MAPKAP1: variants seen among roughly 807,000 people sequenced by gnomAD.
MAPKAP1 encodes the protein MAPK associated protein 1.
A neutral mutation model predicts 65.7 loss-of-function variants in MAPKAP1; 20 were observed. That is an observed-to-expected ratio of 0.30 (90% CI 0.21 to 0.44). The LOEUF is 0.44. Ranked by LOEUF, MAPKAP1 falls within the 20% of genes least tolerant of loss-of-function variation. The pLI, the probability that MAPKAP1 is intolerant of heterozygous loss-of-function variation, is 1.00. For missense variants in MAPKAP1, 423 were observed against 648.0 expected, an observed-to-expected ratio of 0.65 and a Z score of 3.77; for synonymous variants, 222 against 244.3, an observed-to-expected ratio of 0.91 and a Z score of 0.85.
chr9:125,552,047 A>G (rs1428495496), intron 6 of MAPKAP1, among the ~76,000 whole-genome samples: 1 of 152,014 alleles, frequency 6.6e-6, no homozygotes, highest in Non-Finnish European at 1.5e-5. Flanking sequence ...CCCACTCCCT[A>G]CTTCTCCTCT....
intron 10 of MAPKAP1, among the ~76,000 whole-genome samples, chr9:125,464,933 G>C (rs547123926): frequency 6.6e-6 from 1 of 152,148 alleles, no homozygotes; most frequent in Non-Finnish European, 1.5e-5. Context: ...CACAGTCGAA[G>C]GTTTAAAAAC....
intron 9 of MAPKAP1, among the ~76,000 whole-genome samples, chr9:125,483,809 A>C (rs1251815410): frequency 6.6e-6 from 1 of 152,190 alleles, no homozygotes; most frequent in Non-Finnish European, 1.5e-5. Flanking sequence ...TAAGTAGTAC[A>C]TGTAAAGCAC....
chr9:125,586,345 C>T (rs1349146221), intron 4 of MAPKAP1, among the ~76,000 whole-genome samples: 2 of 152,160 alleles, frequency 1.3e-5, no homozygotes, highest in African/African-American at 2.4e-5. Flanking sequence ...CTCCCACCTG[C>T]GTCTTCCACT....
At position 125,559,731 on chromosome 9, in the gene MAPKAP1, G is replaced by C. The variant is rs751172884; in HGVS notation, c.750C>G (p.Ser250=). Residue 250 remains serine (S), a synonymous_variant, in exon 6 of 12, where the codon TCC becomes TCG. Coordinates refer to ENST00000265960, the MANE Select transcript of MAPKAP1 (RefSeq NM_001006617.3). ...AGCCAAACTTATGAATGGGCTCATT[G>C]GAATCCAGCGGGGGGAAATCGGTGT... is the stretch of plus-strand genomic sequence containing the variant. The part of the protein sequence containing the change: ...EVDTDFPPLD[S]NEPIHKFGFS... The C allele has an allele frequency of 4.4e-5, 71 of 1,613,886 alleles. 1 individual carries two copies. The South Asian group carries it at 7.6e-4, about 17-fold the overall frequency.
chr9:125,657,812 A>C lies in MAPKAP1; in HGVS notation c.350-13T>G. The C allele has an allele frequency of 6.2e-7, 1 of 1,610,782 alleles. No homozygotes were observed. The highest frequency in any genetic ancestry group is 8.5e-7 in the Non-Finnish European group (1 of 1,178,936). On this transcript the variant is annotated splice_polypyrimidine_tract_variant and intron_variant, in intron 3 of 11. Transcript: ENST00000265960. ...TTTAACTCCTGGGCTGTGATACAAG[A>C]GGAAGAAAAACATCTTTGTGATTAC... is the stretch of plus-strand genomic sequence containing the variant.
chr9:125,520,072 T>C (rs1422597583), intron 7 of MAPKAP1, among the ~76,000 whole-genome samples: 1 of 152,238 alleles, frequency 6.6e-6, no homozygotes, highest in Non-Finnish European at 1.5e-5. Flanking sequence ...TGTGAAGTCC[T>C]AGCTCCACCA....
rs1475776676 is a variant in MAPKAP1, at chr9:125,515,896, T to C, written c.959-9479A>G. Among the ~76,000 whole-genome samples the C allele has an allele frequency of 2.0e-5, 3 of 152,052 alleles. No individual in the cohort carries two copies. The East Asian group carries it at 5.8e-4, about 29-fold the overall frequency. Reference sequence around the variant, plus strand: ...AAAACTGTGAAGGGAAGGCCGCTTCTGTGGGCTGAGTAGATGGCACTCTTT... The same window carrying C: ...AAAACTGTGAAGGGAAGGCCGCTTCCGTGGGCTGAGTAGATGGCACTCTTT... On this transcript the variant is annotated intron_variant, in intron 7 of 11. Transcript: ENST00000265960.
rs138085916 is a variant in MAPKAP1 at position 125,644,959 on chromosome 9, G to A, written c.498+12692C>T. On this transcript the variant is annotated intron_variant, in intron 4 of 11. Transcript: ENST00000265960. ...TATTCAAGAGCATGTTAGACATAGC[G>A]CAATCATCAGTCATAATGTGGCAGC... 4.1e-3 allele frequency among the ~76,000 whole-genome samples: 631 copies of A among 152,210 alleles called. 6 individuals are homozygous for A. The highest frequency in any genetic ancestry group is 0.014 in the African/African-American group (590 of 41,520).
chr9:125,590,846 T>C (rs1015988030), intron 4 of MAPKAP1, among the ~76,000 whole-genome samples: 1 of 151,884 alleles, frequency 6.6e-6, no homozygotes, highest in Non-Finnish European at 1.5e-5. Context: ...CAATCTCAGC[T>C]CAATGCAACC....
chr9:125,491,645 G>C lies in MAPKAP1; in HGVS notation c.1067-7062C>G, dbSNP rs1378985510. ...TACAAAAAAAAAGCAGCCAGGCTTA[G>C]TGGTGTGCTCCGATAGGCCCAGCTA... On this transcript the variant is annotated intron_variant, in intron 8 of 11. Transcript: ENST00000265960. 3.9e-5 allele frequency among the ~76,000 whole-genome samples: 6 copies of C among 151,900 alleles called. No individual in the cohort carries two copies. In the East Asian group the frequency reaches 9.7e-4, roughly 25 times the overall value.
intron 7 of MAPKAP1, among the ~76,000 whole-genome samples, chr9:125,539,081 T>G (rs1396332929): frequency 6.6e-6 from 1 of 152,128 alleles, no homozygotes; most frequent in Non-Finnish European, 1.5e-5. Context: ...ACAAAGTAAA[T>G]TAGCAAGCAA....
chr9:125,504,013 AG>A, intron 8 of MAPKAP1, among the ~76,000 whole-genome samples: 1 of 151,076 alleles, frequency 6.6e-6, no homozygotes, highest in African/African-American at 2.4e-5. Context: ...CTGGGATTAC[AG>A]GCAAGAGCCA....
chr9:125,601,782 C>T (rs1225071378), intron 4 of MAPKAP1, among the ~76,000 whole-genome samples: 3 of 152,280 alleles, frequency 2.0e-5, no homozygotes, highest in Admixed American at 6.5e-5. Context: ...AAAATGCACA[C>T]GTGAAATAAC....
chr9:125,691,297 G>T (rs1341712164), intron 1 of MAPKAP1, among the ~76,000 whole-genome samples: 5 of 152,038 alleles, frequency 3.3e-5, no homozygotes, highest in African/African-American at 1.2e-4. Context: ...AAAACTGGTA[G>T]AACTCGGTGA....
chr9:125,678,890 C>T (rs1351025913), intron 1 of MAPKAP1, among the ~76,000 whole-genome samples: 2 of 152,070 alleles, frequency 1.3e-5, no homozygotes, highest in African/African-American at 4.8e-5. Context: ...CAAAGCCAGA[C>T]AGCTAATACA....
In MAPKAP1 at chr9:125,546,275, G is replaced by C. The variant is rs559507611; in HGVS notation, c.849-3107C>G. ...AAAGGAGAAAGAGGTTCTGCCCTGAGTGCTGCACATTCAGGCAGACCTAAT... is the reference window on the plus strand; with the variant it reads ...AAAGGAGAAAGAGGTTCTGCCCTGACTGCTGCACATTCAGGCAGACCTAAT... On this transcript the variant is annotated intron_variant, in intron 6 of 11. Transcript: ENST00000265960. 6.2e-4 allele frequency among the ~76,000 whole-genome samples: 95 copies of C among 152,358 alleles called. 4 individuals are homozygous for C. In the South Asian group the frequency reaches 0.019, roughly 31 times the overall value.
chr9:125,503,651 A>C (rs562560375), intron 8 of MAPKAP1, among the ~76,000 whole-genome samples: 1 of 152,284 alleles, frequency 6.6e-6, no homozygotes, highest in East Asian at 1.9e-4. Context: ...TAATGTTGTT[A>C]AAACACTGTA....
intron 7 of MAPKAP1, among the ~76,000 whole-genome samples, chr9:125,525,615 G>A (rs1354954524): frequency 6.6e-6 from 1 of 152,008 alleles, no homozygotes; most frequent in Non-Finnish European, 1.5e-5. Flanking sequence ...GGAGGTTGTG[G>A]TGAGCTGAGA....
chr9:125,527,662 G>T (rs1934285249), intron 7 of MAPKAP1, among the ~76,000 whole-genome samples: 1 of 152,110 alleles, frequency 6.6e-6, no homozygotes, highest in African/African-American at 2.4e-5. Flanking sequence ...AAGTGAGTTT[G>T]CTTTTCTTTT....
Sources: gnomAD v4.1 joint callset for allele counts (sites outside exome capture counted in the v4.1 genomes callset) on GRCh38, gnomAD v4.1.1 for gene constraint, MANE v1.5 for transcripts, NCBI Gene and HGNC (gene_info 2026-07-23, HGNC 2026-07-21) for gene names.